The following FRMD4A variants were observed in gnomAD, a reference collection of about 807,000 sequenced individuals.
FRMD4A encodes the protein FERM domain containing 4A.
A neutral mutation model predicts 129.1 loss-of-function variants in FRMD4A; 29 were observed. The ratio of observed to expected loss-of-function variants is 0.22; its 90% CI spans 0.17 to 0.31. FRMD4A has a LOEUF of 0.31. Ranked by LOEUF, FRMD4A falls within the 10% of genes least tolerant of loss-of-function variation. The pLI is 1.00. For missense variants in FRMD4A, 1,272 were observed against 1,375.8 expected, an observed-to-expected ratio of 0.92 and a Z score of 1.19; for synonymous variants, 634 against 571.6, an observed-to-expected ratio of 1.11 and a Z score of -1.56.
At chr10:14,233,415 T>A (rs1197069942) in intron 2 of FRMD4A, among the ~76,000 whole-genome samples, 2 of 13,810 alleles carry the variant, frequency 1.4e-4, no homozygotes, top group African/African-American at 2.2e-4. Flanking sequence ...ACTAAAAATA[T>A]ACAAAAAAAT....
At chr10:14,055,464 C>CAA (rs1487330664) in intron 2 of FRMD4A, among the ~76,000 whole-genome samples, 1 of 39,352 alleles carries the variant, frequency 2.5e-5, no homozygotes, top group African/African-American at 1.3e-4. Context: ...CACACACAAA[C>CAA]ACACACACAC....
At chr10:13,968,578 G>A (rs1164410036) in intron 2 of FRMD4A, among the ~76,000 whole-genome samples, 3 of 152,094 alleles carry the variant, frequency 2.0e-5, no homozygotes, top group Non-Finnish European at 2.9e-5. Context: ...TCAGCCTCCC[G>A]AGTACCTGGG....
chr10:13,721,631 A>G (rs539991436), intron 12 of FRMD4A, among the ~76,000 whole-genome samples: 4 of 152,276 alleles, frequency 2.6e-5, no homozygotes, highest in African/African-American at 9.6e-5. Flanking sequence ...CCGTCTTCTC[A>G]CATCTGCTCT....
intron 2 of FRMD4A, among the ~76,000 whole-genome samples, chr10:14,312,679 G>C (rs1180012760): frequency 6.6e-6 from 1 of 152,044 alleles, no homozygotes; most frequent in Non-Finnish European, 1.5e-5. Flanking sequence ...CACAGCATGA[G>C]GTAGCAAAAC....
intron 3 of FRMD4A, among the ~76,000 whole-genome samples, chr10:13,822,368 A>G (rs1180589818): frequency 6.6e-6 from 1 of 152,232 alleles, no homozygotes; most frequent in Non-Finnish European, 1.5e-5. Context: ...CCTCTCCTGA[A>G]GTCAAAAGCC....
chr10:14,001,706 A>G (rs1177184819), intron 2 of FRMD4A, among the ~76,000 whole-genome samples: 2 of 152,242 alleles, frequency 1.3e-5, no homozygotes, highest in Non-Finnish European at 2.9e-5. Flanking sequence ...TCTATGAACC[A>G]GAGAATTGGA....
At chr10:13,926,374 GTGA>G (rs1316946340) in intron 2 of FRMD4A, among the ~76,000 whole-genome samples, 1 of 152,172 alleles carries the variant, frequency 6.6e-6, no homozygotes, top group Non-Finnish European at 1.5e-5. Context: ...AGAAGGAGGA[GTGA>G]TGATGATCTC....
At chr10:13,889,057 G>A (rs1231262334) in intron 2 of FRMD4A, among the ~76,000 whole-genome samples, 3 of 152,170 alleles carry the variant, frequency 2.0e-5, no homozygotes, top group East Asian at 1.9e-4. Context: ...CTGCACGCAC[G>A]TGCGGATGCA....
At chr10:13,928,206 T>C (rs2095155933) in intron 2 of FRMD4A, among the ~76,000 whole-genome samples, 1 of 152,012 alleles carries the variant, frequency 6.6e-6, no homozygotes, top group Non-Finnish European at 1.5e-5. Context: ...ATGTTTTGCA[T>C]AGAAGAAGTC....
chr10:14,048,285 G>A (rs1386888787), intron 2 of FRMD4A, among the ~76,000 whole-genome samples: 2 of 152,188 alleles, frequency 1.3e-5, no homozygotes, highest in African/African-American at 2.4e-5. Flanking sequence ...TTTGGACCGG[G>A]AAGCAGGAAC....
chr10:13,814,674 A>G (rs991568909), intron 3 of FRMD4A, among the ~76,000 whole-genome samples: 1 of 146,756 alleles, frequency 6.8e-6, no homozygotes, highest in Admixed American at 6.7e-5. Flanking sequence ...AGAGAGCAAG[A>G]GAAAGAAAGA....
At chr10:13,942,891 C>T (rs1185073731) in intron 2 of FRMD4A, among the ~76,000 whole-genome samples, 1 of 151,972 alleles carries the variant, frequency 6.6e-6, no homozygotes. Context: ...CGAGATTGTG[C>T]CACTGCACTC....
At chr10:13,885,181 TC>T (rs778729348) in intron 2 of FRMD4A, among the ~76,000 whole-genome samples, 25 of 152,212 alleles carry the variant, frequency 1.6e-4, no homozygotes, top group Non-Finnish European at 3.5e-4. Context: ...GGCCAGGAAT[TC>T]GAGACCAGCC....
chr10:14,050,631 C>T (rs930592087), intron 2 of FRMD4A, among the ~76,000 whole-genome samples: 1 of 152,036 alleles, frequency 6.6e-6, no homozygotes, highest in Admixed American at 6.6e-5. Flanking sequence ...CAATCCCACT[C>T]CCTGACCTCC....
chr10:13,994,370 G>A (rs2095615128), intron 2 of FRMD4A, among the ~76,000 whole-genome samples: 1 of 151,888 alleles, frequency 6.6e-6, no homozygotes, highest in Non-Finnish European at 1.5e-5. Flanking sequence ...GTAGAGATGG[G>A]GTTTCACCAT....
chr10:13,985,374 T>C (rs571695635), intron 2 of FRMD4A, among the ~76,000 whole-genome samples: 24 of 152,204 alleles, frequency 1.6e-4, no homozygotes, highest in Non-Finnish European at 2.8e-4. Context: ...GGAGGACGCC[T>C]GCTGAGCACC....
At position 13,714,021 on chromosome 10, in the gene FRMD4A, A is replaced by AAATATATATTTTATATAT. The variant is rs1225477259; in HGVS notation, c.760-6909_760-6908insATATATAAAATATATATT. Among the ~76,000 whole-genome samples, 4 of 1,474 alleles carry AAATATATATTTTATATAT rather than the reference A, an allele frequency of 2.7e-3. 1 individual carries two copies. Among genetic ancestry groups the AAATATATATTTTATATAT allele is most frequent in the African/African-American group, 3.7e-3 (3 of 802 alleles). The allele number at this position is 1,474 out of a possible 152,430, so 1.0% of individuals were successfully genotyped here. ...ATACATATATAATATACATATATAAAATATACATATATATATATATATATA... is the reference window on the plus strand; with the variant it reads ...ATACATATATAATATACATATATAAAAATATATATTTTATATATATATACATATATATATATATATATA... On this transcript the variant is annotated intron_variant, in intron 12 of 24. Coordinates refer to ENST00000357447, the MANE Select transcript of FRMD4A (RefSeq NM_018027.5).
chr10:14,075,774 G>A (rs1329525763), intron 2 of FRMD4A, among the ~76,000 whole-genome samples: 1 of 151,222 alleles, frequency 6.6e-6, no homozygotes, highest in African/African-American at 2.4e-5. Flanking sequence ...ATATGTATAT[G>A]CACACACACA....
At chr10:13,679,650 C>T (rs2134752296) in intron 15 of FRMD4A, among the ~76,000 whole-genome samples, 1 of 151,340 alleles carries the variant, frequency 6.6e-6, no homozygotes, top group South Asian at 2.1e-4. Context: ...CAGAGCAGCT[C>T]CCCGTGAACC....
Sources: allele counts gnomAD v4.1 joint callset (sites outside exome capture counted in the v4.1 genomes callset), GRCh38; gene constraint gnomAD v4.1.1; transcripts MANE v1.5; gene names NCBI Gene and HGNC (gene_info 2026-07-23, HGNC 2026-07-21).